Variants in DGKI observed in about 807,000 individuals in gnomAD.
DGKI encodes diacylglycerol kinase iota, also known as DAG kinase iota.
DGKI carries 55 observed loss-of-function variants against 147.5 expected under a neutral mutation model. The observed-to-expected ratio is 0.37, with a 90% CI of 0.30 to 0.47. DGKI has a LOEUF of 0.47. Ranked by LOEUF, DGKI falls within the 20% of genes least tolerant of loss-of-function variation. The pLI is 1.00. For synonymous variants in DGKI, 469 were observed against 477.1 expected (o/e 0.98, Z 0.22); for missense variants, 1,007 against 1,323.8 (o/e 0.76, Z 3.71).
chr7:137,630,583 G>A (rs915925064), intron 6 of DGKI, among the ~76,000 whole-genome samples: 2 of 152,154 alleles, frequency 1.3e-5, no homozygotes, highest in South Asian at 2.1e-4. Flanking sequence ...AGATGCCTTC[G>A]TGGAAACAGA....
At chr7:137,599,961 A>T in intron 10 of DGKI, 56 bp from the exon 11 acceptor site, 1 of 1,380,232 alleles carries the variant, frequency 7.2e-7, no homozygotes. Flanking sequence ...CCCAAGAATA[A>T]CTGCTCATTT....
chr7:137,454,669 T>C (rs1344493031), intron 27 of DGKI: 2 of 152,096 alleles, frequency 1.3e-5, no homozygotes, highest in South Asian at 2.1e-4. Context: ...GTCTCTGCAA[T>C]ATAGTTGCCA....
chr7:137,821,550 C>T (rs1797898051), intron 1 of DGKI, among the ~76,000 whole-genome samples: 1 of 151,948 alleles, frequency 6.6e-6, no homozygotes, highest in South Asian at 2.1e-4. Flanking sequence ...GAATAAGCAA[C>T]TTCCAGGTCA....
chr7:137,752,864 C>A (rs945902934), intron 1 of DGKI, among the ~76,000 whole-genome samples: 1 of 152,074 alleles, frequency 6.6e-6, no homozygotes, highest in African/African-American at 2.4e-5. Context: ...GTTTTGTCTG[C>A]GGCTTGTCCT....
chr7:137,495,037 C>A (rs753492595), intron 21 of DGKI, among the ~76,000 whole-genome samples: 16 of 151,762 alleles, frequency 1.1e-4, no homozygotes, highest in Non-Finnish European at 1.9e-4. Flanking sequence ...CATCACAGAT[C>A]AAAAAAGACA....
chr7:137,754,536 G>A (rs1428441453), intron 1 of DGKI, among the ~76,000 whole-genome samples: 3 of 152,094 alleles, frequency 2.0e-5, no homozygotes, highest in Non-Finnish European at 4.4e-5. Context: ...TTTTCATTCG[G>A]AGCTGTCACT....
intron 1 of DGKI, among the ~76,000 whole-genome samples, chr7:137,769,463 C>A (rs774611480): frequency 2.0e-5 from 3 of 152,088 alleles, no homozygotes; most frequent in Non-Finnish European, 4.4e-5. Flanking sequence ...CAACAAAAGC[C>A]AAAATTGACA....
chr7:137,707,403 T>C (rs1481893519), intron 1 of DGKI, among the ~76,000 whole-genome samples: 1 of 152,168 alleles, frequency 6.6e-6, no homozygotes, highest in Non-Finnish European at 1.5e-5. Context: ...CCCACACAGC[T>C]CTCCCAGCAC....
intron 28 of DGKI, 43 bp from the exon 29 acceptor site, chr7:137,412,250 T>A (rs777914687): frequency 1.7e-5 from 27 of 1,575,476 alleles, no homozygotes; most frequent in Non-Finnish European, 2.4e-5. Flanking sequence ...TAGAAGACCC[T>A]CTTATTAAAA....
chr7:137,846,769 TGGCGGCGGC>T lies in DGKI; in HGVS notation c.85_93del (p.Ala29_Ala31del), dbSNP rs527683728. 1.6e-4 allele frequency: 169 copies of T among 1,050,552 alleles called. No individual in the cohort carries two copies. The highest frequency in any genetic ancestry group is 1.5e-4 in the Non-Finnish European group (130 of 874,258). The allele number at this position is 1,050,552 out of a possible 1,614,324, so 65.1% of individuals were successfully genotyped here. On this transcript the variant is annotated inframe_deletion, in exon 1 of 33. Coordinates refer to ENST00000614521, the MANE Select transcript of DGKI (RefSeq NM_001321708.2). This position sits in a 1 kb window ranked among gnomAD's most constrained non-coding sequence, Gnocchi z 4.0. ...GCGCCGCTGCAGGGGCCGGGCGGGCTGGCGGCGGCGGCGGCGGCGGCTGCAGGAGCGCGG... is the reference window on the plus strand; with the variant it reads ...GCGCCGCTGCAGGGGCCGGGCGGGCTGGCGGCGGCGGCTGCAGGAGCGCGG...
intron 8 of DGKI, among the ~76,000 whole-genome samples, chr7:137,618,971 C>T (rs1157233108): frequency 1.3e-5 from 2 of 152,094 alleles, no homozygotes; most frequent in African/African-American, 4.8e-5. Flanking sequence ...TTAAATAAAC[C>T]TGAGTCAATG....
chr7:137,460,501 C>T (rs1314531811), intron 27 of DGKI, among the ~76,000 whole-genome samples: 1 of 152,014 alleles, frequency 6.6e-6, no homozygotes. Flanking sequence ...CAGGCAAAAA[C>T]AAAAATACAA....
chr7:137,387,105 G>A lies in DGKI; in HGVS notation c.*4115C>T, dbSNP rs552429964. 1.3e-5 allele frequency: 2 copies of A among 152,180 alleles called. No homozygotes were observed. The highest frequency in any genetic ancestry group is 2.4e-5 in the African/African-American group (1 of 41,542). 9.4% of individuals were successfully genotyped at this position (152,180 alleles called of 1,614,324 possible). A position where few individuals can be genotyped will look rare whatever the true frequency, so the allele number is the denominator to read the frequency against. On this transcript the variant is annotated 3_prime_UTR_variant, in exon 33 of 33. Transcript: ENST00000614521. ...TACTACACTGAAGTTACACCTTCCCGGAAGTAGCCTGCCCTAATTAAATAT... is the reference window on the plus strand; with the variant it reads ...TACTACACTGAAGTTACACCTTCCCAGAAGTAGCCTGCCCTAATTAAATAT...
At chr7:137,502,617 A>C (rs559203898) in intron 21 of DGKI, among the ~76,000 whole-genome samples, 84 of 152,134 alleles carry the variant, frequency 5.5e-4, no homozygotes, top group Middle Eastern at 3.4e-3. Flanking sequence ...ATAATATACC[A>C]GTTTTACTGT....
At chr7:137,813,116 GCAGGGTC>G (rs1797641159) in intron 1 of DGKI, among the ~76,000 whole-genome samples, 1 of 152,144 alleles carries the variant, frequency 6.6e-6, no homozygotes, top group Admixed American at 6.5e-5. Flanking sequence ...ACCCTAAGAG[GCAGGGTC>G]CACCCACACA....
At chr7:137,706,717 C>A (rs1229971338) in intron 1 of DGKI, among the ~76,000 whole-genome samples, 3 of 151,734 alleles carry the variant, frequency 2.0e-5, no homozygotes, top group Non-Finnish European at 1.5e-5. Flanking sequence ...GGACTACAGG[C>A]GCATGCCACC....
Position 137,466,012 on chromosome 7 carries a change from C to A in DGKI, c.2508G>T (p.Glu836Asp). Reference sequence around the variant, plus strand: ...GAATAAAAATCTCATCTTGGGAAATCTCCATCACAAAGTGCAAATGTTCCT... The same window carrying A: ...GAATAAAAATCTCATCTTGGGAAATATCCATCACAAAGTGCAAATGTTCCT... ...RSQEHLHFVM[E>D]ISQDEIFILD... The change falls in exon 26 of 33, where the codon GAG becomes GAT. Residue 836 changes from glutamate (E) to aspartate (D), a missense_variant. Around this residue, in one of 5 missense-constraint regions of DGKI, gnomAD observed 385 missense variants for 445.2 expected, o/e 0.86. Transcript: ENST00000614521. The A allele has an allele frequency of 1.2e-6, 2 of 1,613,960 alleles. No homozygotes were observed. The highest frequency in any genetic ancestry group is 2.2e-5 in the East Asian group (1 of 44,878).
At chr7:137,563,502 A>G (rs576725142) in intron 19 of DGKI, among the ~76,000 whole-genome samples, 125 of 152,166 alleles carry the variant, frequency 8.2e-4, no homozygotes, top group Non-Finnish European at 1.7e-3. Context: ...TCTATTTCAA[A>G]CAATATAATT....
intron 14 of DGKI, among the ~76,000 whole-genome samples, chr7:137,583,961 G>C (rs1819297147): frequency 6.6e-6 from 1 of 152,076 alleles, no homozygotes; most frequent in Admixed American, 6.6e-5. Flanking sequence ...TAAAGACAGA[G>C]TAAAACATGT....
Sources: allele counts gnomAD v4.1 joint callset (sites outside exome capture counted in the v4.1 genomes callset), GRCh38; gene constraint gnomAD v4.1.1; regional missense constraint gnomAD v4.1.1; non-coding constraint Gnocchi (gnomAD v3.1); transcripts MANE v1.5; gene names NCBI Gene and HGNC (gene_info 2026-07-23, HGNC 2026-07-21).